Variants in DYSF observed in about 807,000 individuals in gnomAD.
The protein encoded by DYSF is dystrophy-associated fer-1-like 1.
A neutral mutation model predicts 274.9 loss-of-function variants in DYSF; 212 were observed. That is an observed-to-expected ratio of 0.77 (90% CI 0.69 to 0.86). DYSF has a LOEUF of 0.86. Ranked by LOEUF, DYSF falls within the 40% of genes least tolerant of loss-of-function variation. The pLI is 0.00. For missense variants in DYSF, 2,666 were observed against 2,783.2 expected (o/e 0.96, Z 0.95); for synonymous variants, 1,091 against 1,078.7 (o/e 1.01, Z -0.22).
Position 71,535,105 on chromosome 2 carries a change from C to G in DYSF, c.1449+16C>G, listed in dbSNP as rs746034059. ...GCCTGCCATGGTGAGCCTCCTGCCC[C>G]CAGCAAACCCAAGGAGGCCCCTGGG... On this transcript the variant is annotated intron_variant, in intron 15 of 55. Transcript: ENST00000410020. 6.2e-7 allele frequency: 1 copy of G among 1,614,042 alleles called. No homozygotes were observed. The highest frequency in any genetic ancestry group is 8.5e-7 in the Non-Finnish European group (1 of 1,179,918).
intron 44 of DYSF, 30 bp downstream of exon 44, chr2:71,659,063 A>G (rs540212818): frequency 1.2e-6 from 2 of 1,613,854 alleles, no homozygotes; most frequent in South Asian, 2.2e-5. Flanking sequence ...CACCTCCCCC[A>G]GAGTAGCAGG....
At chr2:71,625,496 T>C (rs1295300884) in intron 41 of DYSF, among the ~76,000 whole-genome samples, 1 of 152,164 alleles carries the variant, frequency 6.6e-6, no homozygotes, top group Admixed American at 6.5e-5. Context: ...TGTGGGCTAT[T>C]TGTGGGCTCT....
chr2:71,526,418 T>TGGGGGGGGGGGGGGGGGGGGTTG, intron 13 of DYSF, 72 bp downstream of exon 13: 1 of 261,504 alleles, frequency 3.8e-6, no homozygotes, highest in Non-Finnish European at 7.0e-6. Flanking sequence ...GGGTGGGCGA[T>TGGGGGGGGGGGGGGGGGGGGTTG]GGCGGGCGGG....
chr2:71,666,130 C>G (rs72904653), intron 47 of DYSF, among the ~76,000 whole-genome samples: 5,965 of 152,204 alleles, frequency 0.039, 419 homozygotes, highest in African/African-American at 0.14. Context: ...GCCCTGCCCC[C>G]CTTCATTCCC....
chr2:71,501,433 C>A (rs956571992), intron 3 of DYSF, among the ~76,000 whole-genome samples: 2 of 152,172 alleles, frequency 1.3e-5, no homozygotes, highest in Non-Finnish European at 2.9e-5. Flanking sequence ...TCGACATAAA[C>A]GCTACCATTT....
chr2:71,513,106 A>G, intron 5 of DYSF, 134 bp from the exon 6 acceptor site: 1 of 830,190 alleles, frequency 1.2e-6, no homozygotes, highest in Admixed American at 2.0e-5. Context: ...TGGGCTCCAC[A>G]GCTATTTCTG....
intron 30 of DYSF, among the ~76,000 whole-genome samples, chr2:71,581,992 A>C (rs2092912371): frequency 6.6e-6 from 1 of 151,232 alleles, no homozygotes; most frequent in Admixed American, 6.6e-5. Context: ...AAAATACAAA[A>C]ATTATTCAGG....
chr2:71,493,344 C>T (rs958612996), intron 3 of DYSF, among the ~76,000 whole-genome samples: 1 of 152,182 alleles, frequency 6.6e-6, no homozygotes, highest in Non-Finnish European at 1.5e-5. Flanking sequence ...CTATAGCCTC[C>T]TTTAATCTGG....
At chr2:71,553,567 C>T (rs912285708) in intron 20 of DYSF, among the ~76,000 whole-genome samples, 19 of 152,294 alleles carry the variant, frequency 1.2e-4, no homozygotes, top group Admixed American at 5.9e-4. Flanking sequence ...GCTCAACTCA[C>T]GAAGGGAGCT....
chr2:71,613,873 G>A (rs1382614074), intron 40 of DYSF, among the ~76,000 whole-genome samples: 3 of 152,176 alleles, frequency 2.0e-5, no homozygotes, highest in Admixed American at 6.5e-5. Flanking sequence ...AGCTTAGAAA[G>A]AAGAGGCTGT....
chr2:71,622,126 C>CTTTTTTTTTTTTTTTTT (rs1558651607), intron 41 of DYSF, among the ~76,000 whole-genome samples: 2 of 38,736 alleles, frequency 5.2e-5, no homozygotes, highest in Non-Finnish European at 7.0e-5. Context: ...CAGATGATTT[C>CTTTTTTTTTTTTTTTTT]TTTGTTTTTT....
At chr2:71,515,013 AAGTGGAGCCAGTAAATATCTTATTTT>A (rs1172903103) in intron 7 of DYSF, among the ~76,000 whole-genome samples, 1 of 152,002 alleles carries the variant, frequency 6.6e-6, no homozygotes, top group Non-Finnish European at 1.5e-5. Context: ...GTTGATTCTA[AAGTGGAGCCAGTAAATATCTTATTTT>A]TTTCCATAGA....
chr2:71,637,657 G>A (rs533754941), intron 41 of DYSF, among the ~76,000 whole-genome samples: 1 of 152,294 alleles, frequency 6.6e-6, no homozygotes, highest in East Asian at 1.9e-4. Flanking sequence ...TTTGGTTGTG[G>A]GGGGCTGATG....
intron 42 of DYSF, among the ~76,000 whole-genome samples, chr2:71,655,124 A>G (rs890334219): frequency 1.3e-5 from 2 of 152,182 alleles, no homozygotes; most frequent in African/African-American, 4.8e-5. Flanking sequence ...AACAAGTTAC[A>G]AGTTTGTATC....
chr2:71,546,169 C>T (rs1020345974), intron 17 of DYSF, among the ~76,000 whole-genome samples: 2 of 152,244 alleles, frequency 1.3e-5, no homozygotes, highest in Non-Finnish European at 2.9e-5. Flanking sequence ...TTGCCTTGCT[C>T]GGGCCAAGCC....
Position 71,641,178 on chromosome 2 carries a change from AT to A in DYSF, c.4528-2769del, listed in dbSNP as rs10683765. 3.6e-3 allele frequency among the ~76,000 whole-genome samples: 445 copies of A among 124,492 alleles called. 1 individual carries two copies. Among genetic ancestry groups the A allele is most frequent in the African/African-American group, 0.013 (411 of 31,340 alleles). 81.7% of individuals were successfully genotyped at this position (124,492 alleles called of 152,430 possible). ...AATTAGATTTGATAAATGTTTATCT[AT>A]TTTTTTTTTTTTTTTTTGAGACGGA... On this transcript the variant is annotated intron_variant, in intron 41 of 55. Transcript: ENST00000410020.
chr2:71,613,639 T>C (rs1011133655), intron 40 of DYSF, among the ~76,000 whole-genome samples: 1 of 152,086 alleles, frequency 6.6e-6, no homozygotes, highest in Non-Finnish European at 1.5e-5. Context: ...TTTTCTTGGA[T>C]GCATATGTGA....
At position 71,466,915 on chromosome 2, in the gene DYSF, G is replaced by T; in HGVS notation, c.73G>T (p.Ala25Ser). The stretch of plus-strand genomic sequence containing the variant: ...GAAGGACCGGCGCAGCGACCCTGTC[G>T]CAAGCCTGACTTTCCGAGGTGAGAG... ...AKKDRRSDPV[A>S]SLTFRGVKKR... Residue 25 changes from alanine to serine, a missense_variant, in exon 1 of 56, where the codon GCA becomes TCA. Ala to Ser is a moderately conservative substitution (Grantham distance 99). Around this residue, in one of 3 missense-constraint regions of DYSF, gnomAD observed 794 missense variants for 777.1 expected, o/e 1.02. Transcript: ENST00000410020. 6.5e-7 allele frequency: 1 copy of T among 1,550,044 alleles called. No individual in the cohort carries two copies. Among genetic ancestry groups the T allele is most frequent in the Non-Finnish European group, 8.7e-7 (1 of 1,145,878 alleles).
Position 71,551,588 on chromosome 2 carries a change from G to A in DYSF, c.1693-19G>A. Reference sequence around the variant, plus strand: ...CCCCTCTGTCTCCCCTGCTCCTTGTGACCTGACCTCCCTGGCAGGGGGAAG... The same window carrying A: ...CCCCTCTGTCTCCCCTGCTCCTTGTAACCTGACCTCCCTGGCAGGGGGAAG... On this transcript the variant is annotated intron_variant, in intron 18 of 55. Coordinates refer to ENST00000410020, the MANE Select transcript of DYSF (RefSeq NM_001130987.2). 6.3e-7 allele frequency: 1 copy of A among 1,591,852 alleles called. No homozygotes were observed.
Sources: gnomAD v4.1 joint callset for allele counts (sites outside exome capture counted in the v4.1 genomes callset) on GRCh38, gnomAD v4.1.1 for gene constraint, gnomAD v4.1.1 regional missense constraint, MANE v1.5 for transcripts, NCBI Gene and HGNC (gene_info 2026-07-23, HGNC 2026-07-21) for gene names.